The following EXT1 variants were observed in gnomAD, a reference collection of about 807,000 sequenced individuals.
The protein encoded by EXT1 is exostosin-1.
In EXT1, 20 loss-of-function variants were observed where a neutral mutation model predicts 82.5. The ratio of observed to expected loss-of-function variants is 0.24; its 90% CI spans 0.17 to 0.35. The LOEUF (loss-of-function observed/expected upper bound fraction) is 0.35, where lower values mean the gene tolerates loss of function less well. EXT1 is among the 10% of genes least tolerant of loss of function. The pLI is 1.00. For missense variants in EXT1, 757 were observed against 936.5 expected (o/e 0.81, Z 2.50); for synonymous variants, 348 against 350.8 (o/e 0.99, Z 0.09).
intron 1 of EXT1, among the ~76,000 whole-genome samples, chr8:117,964,656 T>TG (rs1447631437): frequency 6.6e-6 from 1 of 151,374 alleles, no homozygotes; most frequent in African/African-American, 2.4e-5. Context: ...TTTGTTTGTT[T>TG]TTTGTTTTTT....
At chr8:118,010,919 T>C (rs1815886969) in intron 1 of EXT1, among the ~76,000 whole-genome samples, 1 of 152,202 alleles carries the variant, frequency 6.6e-6, no homozygotes, top group Admixed American at 6.5e-5. Context: ...GCAAGATTAA[T>C]GAAAGCTTTC....
chr8:118,097,732 C>T (rs886100443), intron 1 of EXT1, among the ~76,000 whole-genome samples: 1 of 152,136 alleles, frequency 6.6e-6, no homozygotes, highest in Admixed American at 6.5e-5. Context: ...CTGTTGAATC[C>T]CCAGTGCCTG....
chr8:118,110,346 A>C lies in EXT1; in HGVS notation c.701T>G (p.Ile234Ser). The C allele has an allele frequency of 6.2e-7, 1 of 1,614,218 alleles. No individual in the cohort carries two copies. Among genetic ancestry groups the C allele is most frequent in the Non-Finnish European group, 8.5e-7 (1 of 1,180,032 alleles). Residue 234 changes from isoleucine (I) to serine (S), a missense_variant, in exon 1 of 11, where the codon ATT becomes AGT. Around this residue, in one of 4 missense-constraint regions of EXT1, gnomAD observed 247 missense variants for 330.1 expected, o/e 0.75. Coordinates refer to ENST00000378204, the MANE Select transcript of EXT1 (RefSeq NM_000127.3). ...ENFRPNFDVS[I>S]PLFSKDHPRT... ...GGGATGATCCTTAGAAAAGAGGGGA[A>C]TAGAAACATCAAAGTTGGGTCGGAA... is the stretch of plus-strand genomic sequence containing the variant.
chr8:117,904,557 A>G (rs1014300804), intron 1 of EXT1, among the ~76,000 whole-genome samples: 1 of 152,214 alleles, frequency 6.6e-6, no homozygotes, highest in Non-Finnish European at 1.5e-5. Context: ...TTGTAGTTAT[A>G]TATGATAAAT....
intron 1 of EXT1, among the ~76,000 whole-genome samples, chr8:117,883,424 C>T (rs182442419): frequency 3.3e-5 from 5 of 152,296 alleles, no homozygotes; most frequent in Non-Finnish European, 5.9e-5. Flanking sequence ...AGGAACCATC[C>T]GACAAGGCTT....
At chr8:118,088,521 A>AG (rs1186548306) in intron 1 of EXT1, among the ~76,000 whole-genome samples, 4 of 151,822 alleles carry the variant, frequency 2.6e-5, no homozygotes, top group African/African-American at 4.8e-5. Context: ...AGGGGAAGAA[A>AG]GGGGGGAGAC....
At chr8:118,015,442 C>A (rs1342679341) in intron 1 of EXT1, among the ~76,000 whole-genome samples, 2 of 152,134 alleles carry the variant, frequency 1.3e-5, no homozygotes, top group Non-Finnish European at 2.9e-5. Context: ...ATTCCACGAT[C>A]TAAAGTTTCT....
chr8:118,110,010 C>T (rs1586279232), intron 1 of EXT1, 75 bp downstream of exon 1: 2 of 1,610,478 alleles, frequency 1.2e-6, no homozygotes, highest in East Asian at 4.5e-5. Context: ...CACCCCATCC[C>T]CCAACTTCAC....
intron 7 of EXT1, among the ~76,000 whole-genome samples, chr8:117,814,863 G>A (rs1039042051): frequency 6.6e-6 from 1 of 152,102 alleles, no homozygotes; most frequent in Non-Finnish European, 1.5e-5. Flanking sequence ...TCATCTGCAG[G>A]CCTCATCTCA....
intron 1 of EXT1, among the ~76,000 whole-genome samples, chr8:117,935,001 G>A (rs1407550742): frequency 6.6e-6 from 1 of 152,184 alleles, no homozygotes; most frequent in Non-Finnish European, 1.5e-5. Context: ...AAGAAAGAAA[G>A]CATGTGAGCT....
chr8:117,851,672 C>T (rs1812458238), intron 1 of EXT1, among the ~76,000 whole-genome samples: 1 of 149,808 alleles, frequency 6.7e-6, no homozygotes, highest in Non-Finnish European at 1.5e-5. Context: ...TTATTTAATG[C>T]ATTTGTATGG....
At chr8:117,913,429 T>C (rs1309142720) in intron 1 of EXT1, among the ~76,000 whole-genome samples, 5 of 152,200 alleles carry the variant, frequency 3.3e-5, no homozygotes, top group African/African-American at 1.2e-4. Context: ...ACTTCAACTG[T>C]TCCAAAGACC....
chr8:117,945,946 A>G (rs141272028), intron 1 of EXT1, among the ~76,000 whole-genome samples: 2,975 of 152,334 alleles, frequency 0.02, 36 homozygotes, highest in Middle Eastern at 0.037. Context: ...CCTTTTGCCC[A>G]GGCTGGAGTG....
At chr8:117,875,453 TAA>T (rs1812952538) in intron 1 of EXT1, among the ~76,000 whole-genome samples, 1 of 149,472 alleles carries the variant, frequency 6.7e-6, no homozygotes, top group Non-Finnish European at 1.5e-5. Context: ...AATAAATAAA[TAA>T]ATAAATAAAT....
In EXT1 at chr8:118,110,676, C is replaced by T. The variant is rs761940324; in HGVS notation, c.371G>A (p.Gly124Glu). The T allele has an allele frequency of 3.7e-6, 6 of 1,614,150 alleles. No homozygotes were observed. The highest frequency in any genetic ancestry group is 4.2e-6 in the Non-Finnish European group (5 of 1,180,030). Residue 124 changes from glycine (G) to glutamate (E), a missense_variant, in exon 1 of 11, where the codon GGG (glycine) becomes GAG (glutamate). Around this residue, in one of 4 missense-constraint regions of EXT1, gnomAD observed 175 missense variants for 159.0 expected, o/e 1.10. Transcript: ENST00000378204. ...TTGGTAACTTTCGGCGATTTTCTCC[C>T]CTTTTTGCTGTGGGTATACGTAGAC... ...FKVYVYPQQK[G>E]EKIAESYQNI...
rs770246015 is a variant in EXT1, at chr8:117,801,504, A to AT, written c.2056-1608dup. Among the ~76,000 whole-genome samples the AT allele has an allele frequency of 5.7e-3, 856 of 150,490 alleles. 6 individuals are homozygous for AT. The highest frequency in any genetic ancestry group is 5.6e-3 in the Non-Finnish European group (376 of 67,496). On this transcript the variant is annotated intron_variant, in intron 10 of 10. Coordinates refer to ENST00000378204, the MANE Select transcript of EXT1 (RefSeq NM_000127.3). ...CTAAATGGATATGAGTTTGTGGGCCATTTTTTTTTCTTTTTTTTAAAGGCA... is the reference window on the plus strand; with the variant it reads ...CTAAATGGATATGAGTTTGTGGGCCATTTTTTTTTTCTTTTTTTTAAAGGCA...
intron 1 of EXT1, among the ~76,000 whole-genome samples, chr8:118,048,849 C>T (rs1269227228): frequency 6.6e-6 from 1 of 152,182 alleles, no homozygotes; most frequent in African/African-American, 2.4e-5. Flanking sequence ...TGGTTAATCC[C>T]TTCTGAACAA....
chr8:117,848,831 G>A (rs17474804), intron 1 of EXT1, among the ~76,000 whole-genome samples: 2,917 of 152,212 alleles, frequency 0.019, 97 homozygotes, highest in African/African-American at 0.067. Flanking sequence ...GAGTTCAATC[G>A]TATCTTCCTG....
At chr8:118,004,122 G>A (rs1260308413) in intron 1 of EXT1, among the ~76,000 whole-genome samples, 5 of 152,164 alleles carry the variant, frequency 3.3e-5, no homozygotes, top group Non-Finnish European at 4.4e-5. Context: ...AAAAAAAATT[G>A]TGGGGAAACC....
Sources: allele counts gnomAD v4.1 joint callset (sites outside exome capture counted in the v4.1 genomes callset), GRCh38; gene constraint gnomAD v4.1.1; regional missense constraint gnomAD v4.1.1; transcripts MANE v1.5; gene names NCBI Gene and HGNC (gene_info 2026-07-23, HGNC 2026-07-21).